The following SEMA6C variants were observed in gnomAD, a reference collection of about 807,000 sequenced individuals.
The protein encoded by SEMA6C is semaphorin-6C.
Under a neutral mutation model 72.9 loss-of-function variants are expected in SEMA6C, and 37 were observed. That is an observed-to-expected ratio of 0.51 (90% CI 0.39 to 0.67). The LOEUF (loss-of-function observed/expected upper bound fraction) is 0.67, where lower values mean the gene tolerates loss of function less well. SEMA6C is among the 30% of genes least tolerant of loss of function. The probability of loss-of-function intolerance (pLI) is 0.00; values close to 1 mark genes in which losing one functional copy is unlikely to be tolerated. For synonymous variants in SEMA6C, 578 were observed against 554.1 expected (o/e 1.04, Z -0.61); for missense variants, 1,189 against 1,263.6 (o/e 0.94, Z 0.89).
intron 14 of SEMA6C, 135 bp downstream of exon 14, chr1:151,135,456 C>G: frequency 6.9e-7 from 1 of 1,446,872 alleles, no homozygotes; most frequent in Non-Finnish European, 9.4e-7. Context: ...CCAGTCTTCT[C>G]GCCAAGCCTG....
chr1:151,136,632 T>C (rs1299086995), intron 11 of SEMA6C, 53 bp from the exon 12 acceptor site: 3 of 1,605,266 alleles, frequency 1.9e-6, no homozygotes, highest in Non-Finnish European at 2.6e-6. Context: ...CTGCACAACT[T>C]CCCCCAGGAA....
chr1:151,132,635 T>C lies in SEMA6C; in HGVS notation c.2642A>G (p.Lys881Arg). The stretch of plus-strand genomic sequence containing the variant: ...GGGCCGGCCCAGGTACAGGAGGTGC[T>C]TCCCGGGACCCCCGGAGTACCTGGA... ...GPSRYSGGPG[K>R]HLLYLGRPEG... is the part of the protein sequence containing the mutation. The change falls in exon 19 of 19, where the codon AAG becomes AGG. Residue 881 changes from lysine to arginine, a missense_variant. By Grantham distance (26) the Lys-to-Arg change is conservative. Coordinates refer to ENST00000368914, the MANE Select transcript of SEMA6C (RefSeq NM_030913.6). 6.4e-7 allele frequency: 1 copy of C among 1,550,512 alleles called. No individual in the cohort carries two copies. Among genetic ancestry groups the C allele is most frequent in the Non-Finnish European group, 8.7e-7 (1 of 1,146,950 alleles).
At chr1:151,137,690 C>G (rs747499679) in intron 10 of SEMA6C, 21 bp downstream of exon 10, 19 of 1,601,324 alleles carry the variant, frequency 1.2e-5, no homozygotes, top group Non-Finnish European at 1.5e-5. Context: ...CAGCTACCCA[C>G]CCTGATGCCC....
intron 11 of SEMA6C, 116 bp from the exon 12 acceptor site, chr1:151,136,695 G>T: frequency 7.0e-7 from 1 of 1,423,660 alleles, no homozygotes. Flanking sequence ...GAGGAGGTGG[G>T]GCAGCCACTG....
intron 4 of SEMA6C, 127 bp downstream of exon 4, chr1:151,139,849 C>T: frequency 8.2e-7 from 1 of 1,214,970 alleles, no homozygotes. Context: ...TGGGTCCAAG[C>T]ATGTCCACAC....
intron 12 of SEMA6C, 103 bp from the exon 13 acceptor site, chr1:151,136,266 C>A: frequency 1.3e-6 from 2 of 1,517,970 alleles, no homozygotes; most frequent in Non-Finnish European, 1.8e-6. Context: ...AGCCTTGCTC[C>A]CCCTCCACAC....
At chr1:151,139,810 C>T (rs1445516964) in intron 4 of SEMA6C, 109 bp from the exon 5 acceptor site, 5 of 1,285,480 alleles carry the variant, frequency 3.9e-6, no homozygotes, top group South Asian at 2.8e-5. Flanking sequence ...TCCCCTTCCC[C>T]CTTCCTCCAT....
chr1:151,135,431 G>T, intron 14 of SEMA6C, 122 bp from the exon 15 acceptor site: 1 of 1,449,812 alleles, frequency 6.9e-7, no homozygotes, highest in African/African-American at 1.4e-5. Context: ...GAGCTGCCCC[G>T]CCCTACCACA....
At chr1:151,143,038 C>G (rs1682683647) in intron 2 of SEMA6C, among the ~76,000 whole-genome samples, 1 of 152,196 alleles carries the variant, frequency 6.6e-6, no homozygotes. Flanking sequence ...GAGACTGAAG[C>G]CTTAAAATTA....
In SEMA6C at chr1:151,132,693, C is replaced by T. The variant is rs200069416; in HGVS notation, c.2584G>A (p.Ala862Thr). Residue 862 changes from alanine (A) to threonine (T), a missense_variant, in exon 19 of 19, where the codon GCC becomes ACC. Ala to Thr is a moderately conservative substitution (Grantham distance 58). Coordinates refer to ENST00000368914, the MANE Select transcript of SEMA6C (RefSeq NM_030913.6). ...CCCGAGGGGACTCGAGTGAGCAGGG[C>T]AGGGGGGGCCCGGTGGCCGGAGAAA... ...LPFSGHRAPP[A>T]LLTRVPSGGP... is the part of the protein sequence containing the mutation. The T allele has an allele frequency of 1.7e-3, 2,549 of 1,503,512 alleles. 25 individuals are homozygous for T. The African/African-American group carries it at 0.018, about 11-fold the overall frequency. 93.1% of individuals were successfully genotyped at this position (1,503,512 alleles called of 1,614,324 possible).
chr1:151,134,054 C>T, intron 18 of SEMA6C: 1 of 1,511,824 alleles, frequency 6.6e-7, no homozygotes, highest in Non-Finnish European at 8.8e-7. Flanking sequence ...GACCCGGAAG[C>T]ACTGGTGGCA....
chr1:151,136,221 T>C, intron 12 of SEMA6C, 58 bp from the exon 13 acceptor site: 2 of 1,601,292 alleles, frequency 1.2e-6, no homozygotes, highest in East Asian at 4.5e-5. Context: ...TTAGTTAACC[T>C]CTGTGCCCCC....
At chr1:151,144,994 A>G (rs1682830145) in intron 1 of SEMA6C, 1 of 152,222 alleles carries the variant, frequency 6.6e-6, no homozygotes. Flanking sequence ...TGGCCTTTGC[A>G]TTGGCCTTCT....
chr1:151,143,531 C>T (rs1050724144), intron 2 of SEMA6C, among the ~76,000 whole-genome samples: 7 of 152,154 alleles, frequency 4.6e-5, no homozygotes, highest in South Asian at 2.1e-4. Context: ...ACTAGTGAAG[C>T]AAAATGGCTA....
rs747999131 is a variant in SEMA6C, at chr1:151,133,124, G to A, written c.2153C>T (p.Pro718Leu). 2 of 1,566,024 alleles carry A rather than the reference G, an allele frequency of 1.3e-6. No homozygotes were observed. The highest frequency in any genetic ancestry group is 1.7e-6 in the Non-Finnish European group (2 of 1,167,578). ...PVKHLRAAGD[P>L]WEWNQNRNNA... Reference sequence around the variant, plus strand: ...GTTCCTGTTCTGGTTCCACTCCCAGGGGTCCCCGGCGGCGCGGAGGTGCTT... The same window carrying A: ...GTTCCTGTTCTGGTTCCACTCCCAGAGGTCCCCGGCGGCGCGGAGGTGCTT... Residue 718 changes from proline (P) to leucine (L), a missense_variant, in exon 19 of 19, where the codon CCC becomes CTC. By Grantham distance (98) the Pro-to-Leu change is moderately conservative. Coordinates refer to ENST00000368914, the MANE Select transcript of SEMA6C (RefSeq NM_030913.6). The surrounding 1 kb of genome is among the most constrained non-coding windows in gnomAD (Gnocchi z 5.9).
chr1:151,132,615 G>C lies in SEMA6C; in HGVS notation c.2662C>G (p.Arg888Gly), dbSNP rs769992554. The C allele has an allele frequency of 1.3e-6, 2 of 1,551,178 alleles. No individual in the cohort carries two copies. Among genetic ancestry groups the C allele is most frequent in the Non-Finnish European group, 1.7e-6 (2 of 1,147,172 alleles). Residue 888 changes from arginine (R) to glycine (G), a missense_variant, in exon 19 of 19, where the codon CGG becomes GGG. Transcript: ENST00000368914. Reference sequence around the variant, plus strand: ...GCGCGGCCCCGGTAGCCCTCGGGCCGGCCCAGGTACAGGAGGTGCTTCCCG... The same window carrying C: ...GCGCGGCCCCGGTAGCCCTCGGGCCCGCCCAGGTACAGGAGGTGCTTCCCG... ...GPGKHLLYLGRPEGYRGRALK... is the reference protein window; with the variant it reads ...GPGKHLLYLGGPEGYRGRALK...
intron 3 of SEMA6C, among the ~76,000 whole-genome samples, chr1:151,141,216 TGGTG>T (rs142411690): frequency 0.81 from 123,239 of 151,458 alleles, 50,160 homozygotes; most frequent in East Asian, 0.91. Context: ...GTGGGCTTAT[TGGTG>T]GGTGGTACCA....
At chr1:151,135,849 GC>G (rs1439381105) in intron 13 of SEMA6C, 85 bp from the exon 14 acceptor site, 1 of 1,526,812 alleles carries the variant, frequency 6.5e-7, no homozygotes, top group East Asian at 2.3e-5. Context: ...TGGTAGCTGT[GC>G]CTGTGCCCTT....
chr1:151,135,580 A>G lies in SEMA6C; in HGVS notation c.1433+11T>C, dbSNP rs762271447. 1 of 1,607,848 alleles carries G rather than the reference A, an allele frequency of 6.2e-7. No homozygotes were observed. Among genetic ancestry groups the G allele is most frequent in the Non-Finnish European group, 8.5e-7 (1 of 1,177,254 alleles). ...CTGCTTTGCAGGGGGCCTGCCCTCC[A>G]AAGGCCTCACCGGGCAGGGCTGTAG... On this transcript the variant is annotated intron_variant, in intron 14 of 18. Transcript: ENST00000368914.
Sources: gnomAD v4.1 joint callset for allele counts (sites outside exome capture counted in the v4.1 genomes callset) on GRCh38, gnomAD v4.1.1 for gene constraint, Gnocchi (gnomAD v3.1) non-coding constraint, MANE v1.5 for transcripts, NCBI Gene and HGNC (gene_info 2026-07-23, HGNC 2026-07-21) for gene names.